Variants in GRIP1 observed in about 807,000 individuals in gnomAD.
GRIP1 encodes glutamate receptor interacting protein 1.
In GRIP1, 45 loss-of-function variants were observed where a neutral mutation model predicts 129.9. That is an observed-to-expected ratio of 0.35 (90% confidence interval 0.27 to 0.44). GRIP1 has a LOEUF of 0.44. GRIP1 is among the 20% of genes least tolerant of loss of function. The pLI is 1.00. For synonymous variants in GRIP1, 530 were observed against 520.8 expected (o/e 1.02, Z -0.24); for missense variants, 1,196 against 1,396.8 (o/e 0.86, Z 2.29).
intron 1 of GRIP1, among the ~76,000 whole-genome samples, chr12:66,644,082 GCAGAAA>G (rs1255049959): frequency 6.6e-6 from 1 of 152,206 alleles, no homozygotes; most frequent in Non-Finnish European, 1.5e-5. Context: ...AGATGTAAAA[GCAGAAA>G]CCCCTGATAA....
chr12:66,534,913 C>T (rs1336676027), intron 4 of GRIP1, among the ~76,000 whole-genome samples: 1 of 152,118 alleles, frequency 6.6e-6, no homozygotes, highest in Non-Finnish European at 1.5e-5. Context: ...AGGCTGGTCT[C>T]GAGCTCCTGA....
rs1486700201 is a variant in GRIP1 at position 66,427,475 on chromosome 12, AGTC to A, written c.1768+5070_1768+5072del. Among the ~76,000 whole-genome samples the A allele has an allele frequency of 3.9e-5, 6 of 152,316 alleles. No homozygotes were observed. The East Asian group carries it at 1.2e-3, about 29-fold the overall frequency. On this transcript the variant is annotated intron_variant, in intron 14 of 24. Transcript: ENST00000359742. ...TCCAGGCACCTAGGTAGGCTTGAAAAGTCAATTAACAACCCTATAAGCAAGAAG... is the reference window on the plus strand; with the variant it reads ...TCCAGGCACCTAGGTAGGCTTGAAAAAATTAACAACCCTATAAGCAAGAAG...
chr12:66,896,568 A>C (rs2040753498), intron 1 of GRIP1, among the ~76,000 whole-genome samples: 1 of 151,588 alleles, frequency 6.6e-6, no homozygotes, highest in South Asian at 2.1e-4. Flanking sequence ...AATCCAGTCA[A>C]GAAGGGCTTC....
intron 24 of GRIP1, among the ~76,000 whole-genome samples, chr12:66,352,115 G>A (rs1243098995): frequency 6.6e-5 from 10 of 152,228 alleles, no homozygotes; most frequent in Non-Finnish European, 2.9e-5. Flanking sequence ...TCTTGGAACT[G>A]AGAATAGAGT....
intron 1 of GRIP1, among the ~76,000 whole-genome samples, chr12:66,678,507 T>A (rs1441767921): frequency 6.6e-6 from 1 of 152,136 alleles, no homozygotes; most frequent in Non-Finnish European, 1.5e-5. Flanking sequence ...TAACACACAC[T>A]TGACTCCTTT....
At chr12:66,636,715 C>CTGTGTGTGTGTGTGTGTGTG (rs113361426) in intron 1 of GRIP1, among the ~76,000 whole-genome samples, 1 of 145,108 alleles carries the variant, frequency 6.9e-6, no homozygotes, top group African/African-American at 2.6e-5. Flanking sequence ...CATTAGATCT[C>CTGTGTGTGTGTGTGTGTGTG]TGTGTGTGTG....
intron 1 of GRIP1, chr12:67,035,759 T>A (rs2043085161): frequency 6.6e-6 from 1 of 152,164 alleles, no homozygotes; most frequent in South Asian, 2.1e-4. Context: ...CTAACTACCA[T>A]ATCTAAAATA....
At chr12:66,566,237 G>A (rs1371004454) in intron 2 of GRIP1, among the ~76,000 whole-genome samples, 1 of 152,170 alleles carries the variant, frequency 6.6e-6, no homozygotes, top group African/African-American at 2.4e-5. Context: ...TGCCCATTCA[G>A]TATGATATTG....
intron 10 of GRIP1, 40 bp downstream of exon 10, chr12:66,456,147 T>G: frequency 8.2e-7 from 1 of 1,223,596 alleles, no homozygotes; most frequent in Non-Finnish European, 1.1e-6. Flanking sequence ...AAAAATATAA[T>G]TGAAATAAAA....
chr12:66,585,955 CCT>C (rs1367413744), intron 2 of GRIP1, among the ~76,000 whole-genome samples: 1 of 152,034 alleles, frequency 6.6e-6, no homozygotes, highest in Admixed American at 6.6e-5. Flanking sequence ...GCTTTTATCC[CCT>C]CTTCCTCCTG....
At chr12:66,973,460 T>A (rs1413673191) in intron 1 of GRIP1, among the ~76,000 whole-genome samples, 1 of 151,494 alleles carries the variant, frequency 6.6e-6, no homozygotes, top group Non-Finnish European at 1.5e-5. Flanking sequence ...TTCCCCTGGT[T>A]CAGATCCTAC....
intron 23 of GRIP1, among the ~76,000 whole-genome samples, chr12:66,369,217 C>A (rs114640064): frequency 6.6e-6 from 1 of 151,978 alleles, no homozygotes; most frequent in Non-Finnish European, 1.5e-5. Context: ...TTGGCTCATG[C>A]GTGTCTGTGA....
intron 15 of GRIP1, 89 bp from the exon 16 acceptor site, chr12:66,406,517 G>C: frequency 8.1e-7 from 1 of 1,235,282 alleles, no homozygotes; most frequent in Non-Finnish European, 1.2e-6. Context: ...CAGCATTATG[G>C]TAGTCTTTAG....
rs141085384 is a variant in GRIP1 at position 66,347,729 on chromosome 12, A to G, written c.*1290T>C. 1 of 149,858 alleles carries G rather than the reference A, an allele frequency of 6.7e-6. No homozygotes were observed. The highest frequency in any genetic ancestry group is 2.0e-4 in the East Asian group (1 of 5,060). 9.3% of individuals were successfully genotyped at this position (149,858 alleles called of 1,614,324 possible). On this transcript the variant is annotated 3_prime_UTR_variant, in exon 25 of 25. Transcript: ENST00000359742. Reference sequence around the variant, plus strand: ...GCGGTTCTGAAATGTGATTGAAATAATATTTTTTTTGCACAAAAAGAAAGG... The same window carrying G: ...GCGGTTCTGAAATGTGATTGAAATAGTATTTTTTTTGCACAAAAAGAAAGG...
intron 2 of GRIP1, among the ~76,000 whole-genome samples, chr12:66,583,649 A>G (rs1306431319): frequency 4.3e-5 from 6 of 140,540 alleles, no homozygotes; most frequent in Non-Finnish European, 9.5e-5. Flanking sequence ...CAAAAAACAC[A>G]TGAAAAAATG....
chr12:66,662,916 G>A (rs1352452725), intron 1 of GRIP1, among the ~76,000 whole-genome samples: 1 of 152,136 alleles, frequency 6.6e-6, no homozygotes, highest in Non-Finnish European at 1.5e-5. Context: ...AACCATCTAT[G>A]AGTCAAGCTG....
At chr12:66,501,686 T>C (rs1404784013) in intron 7 of GRIP1, among the ~76,000 whole-genome samples, 1 of 152,158 alleles carries the variant, frequency 6.6e-6, no homozygotes, top group Non-Finnish European at 1.5e-5. Flanking sequence ...CCTGACAGAA[T>C]TCAGTCAGTT....
At chr12:66,405,329 G>A (rs1035589398) in intron 16 of GRIP1, among the ~76,000 whole-genome samples, 9 of 152,064 alleles carry the variant, frequency 5.9e-5, no homozygotes, top group Non-Finnish European at 1.2e-4. Flanking sequence ...TAAATTAAAC[G>A]TTTACTTTAT....
At chr12:66,928,353 T>C (rs2041330507) in intron 1 of GRIP1, among the ~76,000 whole-genome samples, 1 of 152,208 alleles carries the variant, frequency 6.6e-6, no homozygotes, top group Non-Finnish European at 1.5e-5. Context: ...AGGAAAACAA[T>C]ATTTATCACA....
Sources: allele counts gnomAD v4.1 joint callset (sites outside exome capture counted in the v4.1 genomes callset), GRCh38; gene constraint gnomAD v4.1.1; transcripts MANE v1.5; gene names NCBI Gene and HGNC (gene_info 2026-07-23, HGNC 2026-07-21).